The following SDK1 variants were observed in gnomAD, a reference collection of about 807,000 sequenced individuals.
SDK1 encodes sidekick cell adhesion molecule 1, also known as protein sidekick-1.
A neutral mutation model predicts 245.5 loss-of-function variants in SDK1; 157 were observed. That is an observed-to-expected ratio of 0.64 (90% CI 0.56 to 0.73). The LOEUF is 0.73. Ranked by LOEUF, SDK1 falls within the 30% of genes least tolerant of loss-of-function variation. The pLI is 0.00. For synonymous variants in SDK1, 1,647 were observed against 1,278.5 expected, an observed-to-expected ratio of 1.29 and a Z score of -6.15; for missense variants, 3,583 against 3,002.3, an observed-to-expected ratio of 1.19 and a Z score of -4.52.
At chr7:4,167,738 G>A (rs1236946647) in intron 32 of SDK1, among the ~76,000 whole-genome samples, 2 of 152,276 alleles carry the variant, frequency 1.3e-5, no homozygotes, top group African/African-American at 4.8e-5. Flanking sequence ...CAGAGTCAGA[G>A]ACATGCGAAG....
intron 4 of SDK1, among the ~76,000 whole-genome samples, chr7:3,689,992 T>A (rs1784400738): frequency 6.6e-6 from 1 of 152,256 alleles, no homozygotes; most frequent in Admixed American, 6.5e-5. Flanking sequence ...GTATTTGAGT[T>A]GTTAAGCTAC....
intron 1 of SDK1, among the ~76,000 whole-genome samples, chr7:3,447,819 C>G (rs1780389837): frequency 6.6e-6 from 1 of 151,376 alleles, no homozygotes; most frequent in African/African-American, 2.4e-5. Context: ...ATTCTCCTGC[C>G]TCAGCCTCTC....
intron 1 of SDK1, among the ~76,000 whole-genome samples, chr7:3,400,595 A>G (rs757047588): frequency 6.6e-5 from 10 of 152,188 alleles, no homozygotes; most frequent in Non-Finnish European, 1.0e-4. Flanking sequence ...ATAAAACTAT[A>G]AAAAGTAAAG....
chr7:3,812,454 C>G (rs1779408835), intron 4 of SDK1, among the ~76,000 whole-genome samples: 1 of 152,090 alleles, frequency 6.6e-6, no homozygotes, highest in African/African-American at 2.4e-5. Flanking sequence ...CCGCTTGGGT[C>G]TATATTTAAG....
chr7:3,798,580 G>T (rs1271993443), intron 4 of SDK1, among the ~76,000 whole-genome samples: 1 of 152,154 alleles, frequency 6.6e-6, no homozygotes, highest in Non-Finnish European at 1.5e-5. Context: ...ATTTGGACTT[G>T]TCTGATGGTT....
chr7:4,174,296 C>T lies in SDK1; in HGVS notation c.4875C>T (p.Ala1625=), dbSNP rs201560962. 7.7e-5 allele frequency: 125 copies of T among 1,613,884 alleles called. 1 individual carries two copies. The highest frequency in any genetic ancestry group is 1.6e-4 in the South Asian group (15 of 91,082). ...ACTACAGGGAGCTGGAGTATGAAGCCGGGTCAGGCACTGAGGCCAAGACGC... is the reference window on the plus strand; with the variant it reads ...ACTACAGGGAGCTGGAGTATGAAGCTGGGTCAGGCACTGAGGCCAAGACGC... ...RIYYRELEYE[A]GSGTEAKTLK... is the part of the protein sequence containing the mutation. Residue 1625 remains alanine (A), a synonymous_variant, in exon 33 of 45, where the codon GCC becomes GCT. Coordinates refer to ENST00000404826, the MANE Select transcript of SDK1 (RefSeq NM_152744.4).
intron 1 of SDK1, among the ~76,000 whole-genome samples, chr7:3,311,952 G>A (rs918976991): frequency 1.3e-5 from 2 of 152,130 alleles, no homozygotes; most frequent in African/African-American, 4.8e-5. Context: ...GCATGGCCTT[G>A]GGTCTGCATA....
At chr7:4,059,357 T>C (rs1368219447) in intron 19 of SDK1, among the ~76,000 whole-genome samples, 1 of 152,206 alleles carries the variant, frequency 6.6e-6, no homozygotes, top group Admixed American at 6.5e-5. Context: ...AGAAGGTTAT[T>C]GTGTAATGAT....
intron 1 of SDK1, among the ~76,000 whole-genome samples, chr7:3,370,552 C>T (rs978158002): frequency 4.6e-5 from 7 of 152,142 alleles, no homozygotes; most frequent in African/African-American, 1.7e-4. Flanking sequence ...TCTGGAGTAA[C>T]GTGGTGGTGG....
chr7:3,616,212 C>A (rs1378616484), intron 1 of SDK1, among the ~76,000 whole-genome samples: 5 of 152,102 alleles, frequency 3.3e-5, no homozygotes, highest in Non-Finnish European at 5.9e-5. Flanking sequence ...AGCTAATCAT[C>A]ATCATCATCA....
chr7:3,374,529 C>G (rs754472906), intron 1 of SDK1, among the ~76,000 whole-genome samples: 27 of 152,190 alleles, frequency 1.8e-4, no homozygotes, highest in Non-Finnish European at 3.4e-4. Flanking sequence ...GAAGGTCTCT[C>G]TCCTGCATAC....
At chr7:3,546,103 C>G (rs1009198351) in intron 1 of SDK1, among the ~76,000 whole-genome samples, 1 of 152,206 alleles carries the variant, frequency 6.6e-6, no homozygotes, top group South Asian at 2.1e-4. Context: ...CAGAGTGCCT[C>G]AGGGTTGCCT....
chr7:3,801,317 A>T (rs928595622), intron 4 of SDK1, among the ~76,000 whole-genome samples: 1 of 152,176 alleles, frequency 6.6e-6, no homozygotes, highest in Admixed American at 6.5e-5. Flanking sequence ...TTTGGAGCAT[A>T]GTGCATATAA....
In SDK1 at chr7:3,405,814, CTTTTTTTTT is replaced by C. The variant is rs534692477; in HGVS notation, c.298+103940_298+103948del. Among the ~76,000 whole-genome samples the C allele has an allele frequency of 5.6e-5, 7 of 125,366 alleles. No individual in the cohort carries two copies. In the South Asian group the frequency reaches 1.9e-3, roughly 33 times the overall value. 82.2% of individuals were successfully genotyped at this position (125,366 alleles called of 152,430 possible). A position where few individuals can be genotyped will look rare whatever the true frequency, so the allele number is the denominator to read the frequency against. On this transcript the variant is annotated intron_variant, in intron 1 of 44. Transcript: ENST00000404826. ...TAATTTTCTTTTCTTTTCTTTCTTT[CTTTTTTTTT>C]TTTTTTTTTGAGAGAGTCTTGCTTT...
intron 19 of SDK1, among the ~76,000 whole-genome samples, chr7:4,064,944 T>C (rs1779772960): frequency 1.3e-5 from 2 of 152,062 alleles, no homozygotes; most frequent in Admixed American, 6.6e-5. Flanking sequence ...GAGAGGTTAG[T>C]TGATGGGCAT....
chr7:4,061,709 A>G (rs1779551471), intron 19 of SDK1, among the ~76,000 whole-genome samples: 3 of 152,144 alleles, frequency 2.0e-5, no homozygotes, highest in Admixed American at 1.3e-4. Context: ...ACTATTCACA[A>G]TAGCAAAGAC....
chr7:3,322,272 G>T (rs1034185345), intron 1 of SDK1, among the ~76,000 whole-genome samples: 1 of 152,022 alleles, frequency 6.6e-6, no homozygotes, highest in Non-Finnish European at 1.5e-5. Flanking sequence ...CTTTTGCCTG[G>T]TGTGATGTTT....
chr7:3,486,725 G>C (rs764585036), intron 1 of SDK1, among the ~76,000 whole-genome samples: 1 of 151,894 alleles, frequency 6.6e-6, no homozygotes, highest in Non-Finnish European at 1.5e-5. Context: ...TTTTAGCCAC[G>C]TTTTAATTTT....
At chr7:3,929,339 G>T (rs1562543930) in intron 5 of SDK1, among the ~76,000 whole-genome samples, 1 of 152,298 alleles carries the variant, frequency 6.6e-6, no homozygotes, top group South Asian at 2.1e-4. Context: ...GCTTGAACAC[G>T]ATTGATCTTC....
Sources: allele counts gnomAD v4.1 joint callset (sites outside exome capture counted in the v4.1 genomes callset), GRCh38; gene constraint gnomAD v4.1.1; transcripts MANE v1.5; gene names NCBI Gene and HGNC (gene_info 2026-07-23, HGNC 2026-07-21).